The following TMEM170B variants were observed in gnomAD, a reference collection of about 807,000 sequenced individuals.
TMEM170B encodes transmembrane protein 170B.
A neutral mutation model predicts 13.0 loss-of-function variants in TMEM170B; 6 were observed. The ratio of observed to expected loss-of-function variants is 0.46; its 90% CI spans 0.25 to 0.91. The LOEUF (loss-of-function observed/expected upper bound fraction) is 0.91. Ranked by LOEUF, TMEM170B falls within the 40% of genes least tolerant of loss-of-function variation. The probability of loss-of-function intolerance (pLI) is 0.17; values close to 1 mark genes in which losing one functional copy is unlikely to be tolerated. For missense variants in TMEM170B, 138 were observed against 165.2 expected (o/e 0.84, Z 0.90); for synonymous variants, 61 against 64.9 (o/e 0.94, Z 0.29).
intron 1 of TMEM170B, among the ~76,000 whole-genome samples, chr6:11,544,777 T>A (rs1759408327): frequency 6.6e-6 from 1 of 152,240 alleles, no homozygotes. Flanking sequence ...ATTGTTTAAC[T>A]GTGTCAGTTA....
intron 1 of TMEM170B, among the ~76,000 whole-genome samples, chr6:11,544,749 T>G (rs1288054461): frequency 6.6e-6 from 1 of 152,226 alleles, no homozygotes; most frequent in African/African-American, 2.4e-5. Context: ...TTAAGTGTGT[T>G]TTTCACAGGA....
Position 11,575,784 on chromosome 6 carries a change from A to G in TMEM170B, c.*223A>G. ...GCCTCTGTCTCAGGCAAGGTGCATT[A>G]AGACACTATGTAAAGTTACAAGAAA... On this transcript the variant is annotated 3_prime_UTR_variant, in exon 3 of 3. Transcript: ENST00000379426. The surrounding 1 kb of genome is among the most constrained non-coding windows in gnomAD (Gnocchi z 4.1). 2.4e-6 allele frequency: 1 copy of G among 419,724 alleles called. No homozygotes were observed. The highest frequency in any genetic ancestry group is 4.3e-6 in the Non-Finnish European group (1 of 233,138). The allele number at this position is 419,724 out of a possible 1,614,324, so 26.0% of individuals were successfully genotyped here.
chr6:11,572,298 T>C (rs1159785940), intron 2 of TMEM170B, among the ~76,000 whole-genome samples: 5 of 152,178 alleles, frequency 3.3e-5, no homozygotes, highest in Non-Finnish European at 7.3e-5. Flanking sequence ...GATAAATAAA[T>C]TGTGGTATAT....
chr6:11,551,419 A>G (rs537923667), intron 1 of TMEM170B, among the ~76,000 whole-genome samples: 1 of 152,290 alleles, frequency 6.6e-6, no homozygotes, highest in East Asian at 1.9e-4. Flanking sequence ...TGGCTAAGAC[A>G]GTCTTAAAGG....
rs1023850662 is a variant in TMEM170B at position 11,580,200 on chromosome 6, G to T, written c.*4639G>T. On this transcript the variant is annotated 3_prime_UTR_variant, in exon 3 of 3. Transcript: ENST00000379426. Reference sequence around the variant, plus strand: ...TGGCCAGTTTTGTATTTTTAGTAGAGACAGATTTCTCTATGTTGGTCAGGC... The same window carrying T: ...TGGCCAGTTTTGTATTTTTAGTAGATACAGATTTCTCTATGTTGGTCAGGC... 1 of 152,042 alleles carries T rather than the reference G, an allele frequency of 6.6e-6. No individual in the cohort carries two copies. The highest frequency in any genetic ancestry group is 2.4e-5 in the African/African-American group (1 of 41,364). 9.4% of individuals were successfully genotyped at this position (152,042 alleles called of 1,614,324 possible).
intron 1 of TMEM170B, among the ~76,000 whole-genome samples, chr6:11,542,124 A>G (rs1230039871): frequency 6.6e-6 from 1 of 152,206 alleles, no homozygotes; most frequent in Non-Finnish European, 1.5e-5. Context: ...TGCTTGACAC[A>G]GAGTTGCCTC....
At chr6:11,561,126 A>C (rs1473110772) in intron 1 of TMEM170B, among the ~76,000 whole-genome samples, 1 of 152,222 alleles carries the variant, frequency 6.6e-6, no homozygotes, top group African/African-American at 2.4e-5. Context: ...GGAATTTCTG[A>C]GATACGTTCT....
rs1759976721 is a variant in TMEM170B, at chr6:11,582,926, A to T, written c.*7365A>T. The T allele has an allele frequency of 6.6e-6, 1 of 152,184 alleles. No homozygotes were observed. Among genetic ancestry groups the T allele is most frequent in the Non-Finnish European group, 1.5e-5 (1 of 68,012 alleles). 9.4% of individuals were successfully genotyped at this position (152,184 alleles called of 1,614,324 possible). A position where few individuals can be genotyped will look rare whatever the true frequency, so the allele number is the denominator to read the frequency against. On this transcript the variant is annotated 3_prime_UTR_variant, in exon 3 of 3. Coordinates refer to ENST00000379426, the MANE Select transcript of TMEM170B (RefSeq NM_001100829.3). ...CAGTTTAATTTTGAAGGATTATTTT[A>T]AAAACTATGTTTATATATAATACCT...
At chr6:11,540,242 G>T (rs533832169) in intron 1 of TMEM170B, among the ~76,000 whole-genome samples, 32 of 152,280 alleles carry the variant, frequency 2.1e-4, no homozygotes, top group African/African-American at 7.5e-4. Flanking sequence ...TTCCTTTCAT[G>T]AAAGATTTCT....
intron 2 of TMEM170B, among the ~76,000 whole-genome samples, chr6:11,574,632 C>T (rs9380370): frequency 6.6e-6 from 1 of 152,224 alleles, no homozygotes; most frequent in South Asian, 2.1e-4. Context: ...TAAATGTTTC[C>T]TCCTTTATGG....
intron 1 of TMEM170B, among the ~76,000 whole-genome samples, chr6:11,540,235 C>G (rs1759340478): frequency 6.6e-6 from 1 of 152,158 alleles, no homozygotes; most frequent in Non-Finnish European, 1.5e-5. Flanking sequence ...TAGACTCTTC[C>G]TTTCATGAAA....
chr6:11,583,490 CTT>C lies in TMEM170B; in HGVS notation c.*7930_*7931del, dbSNP rs1392426960. The stretch of plus-strand genomic sequence containing the variant: ...AAGTTTCTGTATTCAATTTCATGCA[CTT>C]ATATATAAATAAACCTGTCTTTGAA... On this transcript the variant is annotated 3_prime_UTR_variant, in exon 3 of 3. Transcript: ENST00000379426. The C allele has an allele frequency of 6.6e-6, 1 of 152,102 alleles. No homozygotes were observed. The highest frequency in any genetic ancestry group is 1.5e-5 in the Non-Finnish European group (1 of 68,012). 9.4% of individuals were successfully genotyped at this position (152,102 alleles called of 1,614,324 possible). A position where few individuals can be genotyped will look rare whatever the true frequency, so the allele number is the denominator to read the frequency against.
At chr6:11,539,305 C>A (rs1188263793) in intron 1 of TMEM170B, among the ~76,000 whole-genome samples, 1 of 151,984 alleles carries the variant, frequency 6.6e-6, no homozygotes, top group African/African-American at 2.4e-5. Context: ...GGAAAAAAAT[C>A]TTAAAAAAAT....
chr6:11,548,824 C>G (rs1759476821), intron 1 of TMEM170B, among the ~76,000 whole-genome samples: 1 of 147,316 alleles, frequency 6.8e-6, no homozygotes, highest in Non-Finnish European at 1.5e-5. Context: ...GTCGCAAGGA[C>G]AGAAAACCAA....
intron 1 of TMEM170B, among the ~76,000 whole-genome samples, chr6:11,551,755 C>T (rs1759527693): frequency 6.6e-6 from 1 of 151,998 alleles, no homozygotes; most frequent in African/African-American, 2.4e-5. Context: ...CAGGAAGAAC[C>T]AGGCAATGGA....
chr6:11,541,386 T>C (rs1759358992), intron 1 of TMEM170B, among the ~76,000 whole-genome samples: 1 of 152,244 alleles, frequency 6.6e-6, no homozygotes, highest in Admixed American at 6.5e-5. Flanking sequence ...TGCACTTTTA[T>C]GTTATAGAGG....
At position 11,575,393 on chromosome 6, in the gene TMEM170B, T is replaced by C. The variant is rs201558917; in HGVS notation, c.269-38T>C. On this transcript the variant is annotated intron_variant, in intron 2 of 2. Transcript: ENST00000379426. This position sits in a 1 kb window ranked among gnomAD's most constrained non-coding sequence, Gnocchi z 4.1. ...AGCATGCAGTGTGTTATAAAACGAG[T>C]GACTGTATCCCTTCATTTTTCTCCC... The C allele has an allele frequency of 7.8e-5, 126 of 1,611,370 alleles. No homozygotes were observed. The highest frequency in any genetic ancestry group is 1.0e-4 in the Non-Finnish European group (119 of 1,178,400).
At chr6:11,572,858 GTTTTA>G (rs1270092901) in intron 2 of TMEM170B, among the ~76,000 whole-genome samples, 1 of 151,890 alleles carries the variant, frequency 6.6e-6, no homozygotes, top group Non-Finnish European at 1.5e-5. Flanking sequence ...ATTGTTTTAT[GTTTTA>G]TTTTCTTTGT....
At chr6:11,564,303 G>T (rs1166584803) in intron 1 of TMEM170B, among the ~76,000 whole-genome samples, 1 of 152,178 alleles carries the variant, frequency 6.6e-6, no homozygotes, top group Non-Finnish European at 1.5e-5. Flanking sequence ...TTCTTGAGGA[G>T]CCTCCATACT....
Sources: allele counts gnomAD v4.1 joint callset (sites outside exome capture counted in the v4.1 genomes callset), GRCh38; gene constraint gnomAD v4.1.1; non-coding constraint Gnocchi (gnomAD v3.1); transcripts MANE v1.5; gene names NCBI Gene and HGNC (gene_info 2026-07-23, HGNC 2026-07-21).